The following CREBBP variants were observed in gnomAD, a reference collection of about 807,000 sequenced individuals.
CREBBP encodes the protein CREB-binding protein.
Under a neutral mutation model 265.0 loss-of-function variants are expected in CREBBP, and 19 were observed. That is an observed-to-expected ratio of 0.07 (90% confidence interval 0.05 to 0.11). CREBBP has a LOEUF of 0.11. CREBBP is among the 10% of genes least tolerant of loss of function. CREBBP has a pLI of 1.00. For synonymous variants in CREBBP, 1,457 were observed against 1,223.7 expected (o/e 1.19, Z -3.98); for missense variants, 2,525 against 3,219.0 (o/e 0.78, Z 5.22).
intron 3 of CREBBP, among the ~76,000 whole-genome samples, chr16:3,798,868 C>T (rs777428371): frequency 6.6e-5 from 10 of 152,072 alleles, no homozygotes; most frequent in East Asian, 1.9e-4. Context: ...CACGTTCACA[C>T]GAAAACTGTA....
At position 3,727,622 on chromosome 16, in the gene CREBBP, G is replaced by A. The variant is rs777625262; in HGVS notation, c.*96C>T. On this transcript the variant is annotated 3_prime_UTR_variant, in exon 31 of 31. Coordinates refer to ENST00000262367, the MANE Select transcript of CREBBP (RefSeq NM_004380.3). ...TCCACCCTTCCATGGCTCGGAAGTC[G>A]CAGTTCCATCTAGGAATAAAAAGAA... 33 of 1,604,174 alleles carry A rather than the reference G, an allele frequency of 2.1e-5. No individual in the cohort carries two copies. The highest frequency in any genetic ancestry group is 1.9e-4 in the African/African-American group (14 of 74,420).
intron 3 of CREBBP, among the ~76,000 whole-genome samples, chr16:3,808,926 G>C (rs1424686811): frequency 2.0e-5 from 3 of 152,300 alleles, no homozygotes; most frequent in African/African-American, 7.2e-5. Context: ...TGTGGTGCCA[G>C]AGCCCAGCAT....
intron 2 of CREBBP, among the ~76,000 whole-genome samples, chr16:3,849,324 A>C (rs114344414): frequency 3.4e-5 from 5 of 148,924 alleles, no homozygotes; most frequent in African/African-American, 5.0e-5. Flanking sequence ...AGGCAGCTGC[A>C]AGGCTGGTGG....
chr16:3,777,444 C>G (rs1387627196), intron 11 of CREBBP, among the ~76,000 whole-genome samples, 169 bp downstream of exon 11: 2 of 152,120 alleles, frequency 1.3e-5, no homozygotes, highest in Admixed American at 6.5e-5. Context: ...AAACTTCATA[C>G]TATAAACATA....
intron 15 of CREBBP, among the ~76,000 whole-genome samples, chr16:3,768,147 T>TTTTG (rs2052908544): frequency 2.1e-4 from 23 of 108,946 alleles, no homozygotes; most frequent in African/African-American, 8.7e-4. Context: ...TTTTTTTTTT[T>TTTTG]TTTTTTTTTT....
At chr16:3,745,163 C>T in intron 22 of CREBBP, 114 bp downstream of exon 22, 1 of 1,068,958 alleles carries the variant, frequency 9.4e-7, no homozygotes, top group Non-Finnish European at 1.4e-6. Flanking sequence ...ACTGCCATCT[C>T]TCTTAATCGC....
chr16:3,800,645 C>T (rs1596963457), intron 3 of CREBBP, among the ~76,000 whole-genome samples: 1 of 152,128 alleles, frequency 6.6e-6, no homozygotes, highest in East Asian at 1.9e-4. Flanking sequence ...GAGATCAATG[C>T]TATAGTCTCC....
intron 2 of CREBBP, among the ~76,000 whole-genome samples, chr16:3,832,619 C>A (rs1338334827): frequency 6.6e-6 from 1 of 152,126 alleles, no homozygotes; most frequent in Non-Finnish European, 1.5e-5. Context: ...CTGGAGGCAA[C>A]TGTAACAAAA....
chr16:3,772,194 T>C (rs974576915), intron 13 of CREBBP, among the ~76,000 whole-genome samples: 1 of 150,382 alleles, frequency 6.6e-6, no homozygotes, highest in South Asian at 2.1e-4. Context: ...ATTTTTTTTT[T>C]AAGTTGCTTC....
At chr16:3,761,586 C>G (rs374116663) in intron 16 of CREBBP, 1 of 518,614 alleles carries the variant, frequency 1.9e-6, no homozygotes, top group Non-Finnish European at 3.9e-6. Context: ...GACCAACCTC[C>G]GCAGACACCG....
At chr16:3,821,363 G>C (rs1031505676) in intron 2 of CREBBP, among the ~76,000 whole-genome samples, 1 of 152,192 alleles carries the variant, frequency 6.6e-6, no homozygotes, top group Non-Finnish European at 1.5e-5. Context: ...AATCCTCCCT[G>C]TGGGGCCCAG....
chr16:3,746,701 T>C (rs932261244), intron 21 of CREBBP, among the ~76,000 whole-genome samples: 10 of 152,006 alleles, frequency 6.6e-5, no homozygotes, highest in African/African-American at 2.4e-4. Flanking sequence ...AATCCTAGCA[T>C]GTGGAGAGGC....
chr16:3,867,769 A>C (rs2055206756), intron 1 of CREBBP, among the ~76,000 whole-genome samples: 1 of 151,078 alleles, frequency 6.6e-6, no homozygotes, highest in Admixed American at 6.6e-5. Flanking sequence ...AAAAAAAAAA[A>C]AAAAAAAAAA....
chr16:3,849,439 G>GTGTGTGTGATGTGCGTGACCT (rs2054761021), intron 2 of CREBBP, among the ~76,000 whole-genome samples: 1 of 17,218 alleles, frequency 5.8e-5, no homozygotes, highest in African/African-American at 1.1e-4. Context: ...GTGTGTGTGT[G>GTGTGTGTGATGTGCGTGACCT]TGTGTGTGTG....
rs761119395 is a variant in CREBBP, at chr16:3,770,875, G to A, written c.2575C>T (p.Pro859Ser). Residue 859 changes from proline to serine, a missense_variant, in exon 14 of 31, where the codon CCT becomes TCT. Pro to Ser is a moderately conservative substitution (Grantham distance 74, BLOSUM62 -1). Coordinates refer to ENST00000262367, the MANE Select transcript of CREBBP (RefSeq NM_004380.3). ...TQSPLHPTPP[P>S]ASTAAGMPSL... ...GGCATGCCAGCAGCCGTGGAAGCAG[G>A]AGGCGGTGTTGGGTGCAGTGGTGAC... 1.2e-6 allele frequency: 2 copies of A among 1,613,956 alleles called. No individual in the cohort carries two copies. The highest frequency in any genetic ancestry group is 4.5e-5 in the East Asian group (2 of 44,874).
intron 30 of CREBBP, chr16:3,730,593 GGAA>G (rs2051888034): frequency 6.2e-6 from 1 of 160,006 alleles, no homozygotes; most frequent in East Asian, 1.9e-4. Context: ...GGTGGAAAGC[GGAA>G]GAAGTGTGTG....
chr16:3,792,339 CACAAA>C (rs2053522969), intron 4 of CREBBP, among the ~76,000 whole-genome samples: 1 of 152,116 alleles, frequency 6.6e-6, no homozygotes, highest in African/African-American at 2.4e-5. Context: ...AAGGGCAGCC[CACAAA>C]ACAAAACAAA....
chr16:3,733,218 C>T (rs2151322276), intron 28 of CREBBP, among the ~76,000 whole-genome samples: 2 of 151,968 alleles, frequency 1.3e-5, no homozygotes, highest in South Asian at 4.2e-4. Context: ...AAAAATTAGC[C>T]AGGCGTGGTG....
In CREBBP at chr16:3,795,853, T is replaced by C. The variant is rs188465403; in HGVS notation, c.976-2227A>G. Among the ~76,000 whole-genome samples, 34 of 152,116 alleles carry C rather than the reference T, an allele frequency of 2.2e-4. No individual in the cohort carries two copies. In the East Asian group the frequency reaches 6.0e-3, roughly 27 times the overall value. The stretch of plus-strand genomic sequence containing the variant: ...TGAAAATTTCAAACATACAGAAAAA[T>C]GGAAAGGAAAGGATATCATCCTTAC... On this transcript the variant is annotated intron_variant, in intron 3 of 30. Coordinates refer to ENST00000262367, the MANE Select transcript of CREBBP (RefSeq NM_004380.3).
Sources: gnomAD v4.1 joint callset for allele counts (sites outside exome capture counted in the v4.1 genomes callset) on GRCh38, gnomAD v4.1.1 for gene constraint, MANE v1.5 for transcripts, NCBI Gene and HGNC (gene_info 2026-07-23, HGNC 2026-07-21) for gene names.